GABRG3: variants seen among roughly 807,000 people sequenced by gnomAD.
The protein encoded by GABRG3 is gamma-aminobutyric acid type A receptor subunit gamma3, also known as gamma-aminobutyric acid receptor subunit gamma-3.
In GABRG3, 25 loss-of-function variants were observed where a neutral mutation model predicts 48.8. The observed-to-expected ratio is 0.51, with a 90% confidence interval of 0.37 to 0.72. GABRG3 has a LOEUF of 0.72. Ranked by LOEUF, GABRG3 falls within the 30% of genes least tolerant of loss-of-function variation. The pLI, the probability that GABRG3 is intolerant of heterozygous loss-of-function variation, is 0.00. For synonymous variants in GABRG3, 227 were observed against 217.6 expected, an observed-to-expected ratio of 1.04 and a Z score of -0.38; for missense variants, 394 against 577.9, an observed-to-expected ratio of 0.68 and a Z score of 3.26.
In GABRG3 at chr15:27,025,697, A is replaced by G. The variant is rs76546528; in HGVS notation, c.203-1057A>G. 2.9e-3 allele frequency among the ~76,000 whole-genome samples: 446 copies of G among 152,302 alleles called. 3 individuals carry two copies. Among genetic ancestry groups the G allele is most frequent in the African/African-American group, 0.01 (425 of 41,560 alleles). On this transcript the variant is annotated intron_variant, in intron 2 of 9. Coordinates refer to ENST00000615808, the MANE Select transcript of GABRG3 (RefSeq NM_033223.5). Reference sequence around the variant, plus strand: ...CTCAGAGCTGCCATTCATTGTTTCAAAAGTAGAGTGTGGAATTCCATTTGT... The same window carrying G: ...CTCAGAGCTGCCATTCATTGTTTCAGAAGTAGAGTGTGGAATTCCATTTGT...
chr15:27,479,717 T>C (rs1238958313), intron 5 of GABRG3, among the ~76,000 whole-genome samples: 3 of 152,194 alleles, frequency 2.0e-5, no homozygotes, highest in Admixed American at 2.0e-4. Flanking sequence ...CAATGAAGGC[T>C]GAGAATGCCA....
intron 2 of GABRG3, among the ~76,000 whole-genome samples, chr15:27,004,022 C>CG (rs1434377497): frequency 2.7e-5 from 4 of 146,372 alleles, no homozygotes; most frequent in East Asian, 4.2e-4. Context: ...GCTGTCCGGG[C>CG]GGGGGGCTGA....
At chr15:27,322,618 C>G (rs1001611622) in intron 3 of GABRG3, among the ~76,000 whole-genome samples, 10 of 152,176 alleles carry the variant, frequency 6.6e-5, no homozygotes, top group African/African-American at 2.4e-4. Flanking sequence ...AGGGTCGTTA[C>G]ATTTAATCCA....
intron 3 of GABRG3, among the ~76,000 whole-genome samples, chr15:27,084,453 T>C (rs1897042903): frequency 6.6e-6 from 1 of 152,220 alleles, no homozygotes; most frequent in South Asian, 2.1e-4. Flanking sequence ...ATGATGGAGA[T>C]TGCCTCAGTC....
chr15:27,409,453 G>A (rs937449414), intron 5 of GABRG3, among the ~76,000 whole-genome samples: 5 of 151,980 alleles, frequency 3.3e-5, no homozygotes, highest in African/African-American at 9.6e-5. Flanking sequence ...ATTGATCTGT[G>A]TATGTACCCT....
chr15:27,399,828 A>G (rs1887424542), intron 5 of GABRG3, among the ~76,000 whole-genome samples: 1 of 152,230 alleles, frequency 6.6e-6, no homozygotes, highest in Non-Finnish European at 1.5e-5. Flanking sequence ...ACACAAAGAC[A>G]GAAAAGATCG....
intron 5 of GABRG3, among the ~76,000 whole-genome samples, chr15:27,471,368 G>T (rs1213000658): frequency 6.6e-6 from 1 of 152,216 alleles, no homozygotes; most frequent in African/African-American, 2.4e-5. Flanking sequence ...GGGAGTAATT[G>T]AAGTTACAAA....
At chr15:27,508,178 A>G (rs1890805322) in intron 6 of GABRG3, among the ~76,000 whole-genome samples, 1 of 152,202 alleles carries the variant, frequency 6.6e-6, no homozygotes, top group Admixed American at 6.5e-5. Context: ...AGGTCAGATT[A>G]AAATATACGA....
At chr15:27,512,063 G>A (rs1890908753) in intron 6 of GABRG3, among the ~76,000 whole-genome samples, 1 of 152,138 alleles carries the variant, frequency 6.6e-6, no homozygotes, top group African/African-American at 2.4e-5. Flanking sequence ...TCCAAGCCAC[G>A]CTCTTAGTAT....
intron 2 of GABRG3, among the ~76,000 whole-genome samples, chr15:26,988,775 G>T (rs1037298159): frequency 6.6e-6 from 1 of 150,634 alleles, no homozygotes; most frequent in Admixed American, 6.6e-5. Flanking sequence ...ATTTTATATT[G>T]TTATTTTAGT....
chr15:27,308,676 CGCTTATGTATAAACATATAATGTAAACAT>C (rs1566774884), intron 3 of GABRG3, among the ~76,000 whole-genome samples: 12 of 148,906 alleles, frequency 8.1e-5, no homozygotes, highest in African/African-American at 2.9e-4. Flanking sequence ...TGTAAACATA[CGCTTATGTATAAACATATAATGTAAACAT>C]ACGTTTATAT....
intron 2 of GABRG3, among the ~76,000 whole-genome samples, chr15:27,020,208 G>A (rs1895862655): frequency 6.6e-6 from 1 of 152,124 alleles, no homozygotes; most frequent in Admixed American, 6.5e-5. Flanking sequence ...CCCTCCATGG[G>A]CATGTCCCCT....
intron 6 of GABRG3, among the ~76,000 whole-genome samples, chr15:27,484,155 C>T (rs1183499640): frequency 2.6e-5 from 4 of 152,114 alleles, no homozygotes; most frequent in East Asian, 3.9e-4. Flanking sequence ...AGGCTGGTCT[C>T]GAACTCCTGA....
intron 5 of GABRG3, among the ~76,000 whole-genome samples, chr15:27,454,277 A>G (rs1342573206): frequency 6.6e-6 from 1 of 152,172 alleles, no homozygotes; most frequent in African/African-American, 2.4e-5. Flanking sequence ...ACATGAATGG[A>G]TTCTGTAGTC....
At chr15:27,051,162 G>A (rs975494181) in intron 3 of GABRG3, among the ~76,000 whole-genome samples, 1 of 152,026 alleles carries the variant, frequency 6.6e-6, no homozygotes, top group South Asian at 2.1e-4. Flanking sequence ...CATTCCAAAG[G>A]GAAAAAATCT....
chr15:27,256,244 C>T lies in GABRG3; in HGVS notation c.271-70565C>T, dbSNP rs550706553. On this transcript the variant is annotated intron_variant, in intron 3 of 9. Coordinates refer to ENST00000615808, the MANE Select transcript of GABRG3 (RefSeq NM_033223.5). ...GATCAGGAGGTCAGGAGATCAAGACCATCCTGGCTAACATGGTGAAACCCG... is the reference window on the plus strand; with the variant it reads ...GATCAGGAGGTCAGGAGATCAAGACTATCCTGGCTAACATGGTGAAACCCG... Among the ~76,000 whole-genome samples the T allele has an allele frequency of 1.2e-4, 18 of 151,990 alleles. No individual in the cohort carries two copies. In the South Asian group the frequency reaches 3.7e-3, roughly 32 times the overall value.
intron 5 of GABRG3, among the ~76,000 whole-genome samples, chr15:27,386,738 G>A (rs923164240): frequency 6.6e-6 from 1 of 152,152 alleles, no homozygotes; most frequent in African/African-American, 2.4e-5. Flanking sequence ...TTTATAACCA[G>A]ACTCAATGGA....
At chr15:27,211,309 C>T (rs1291605571) in intron 3 of GABRG3, among the ~76,000 whole-genome samples, 4 of 152,166 alleles carry the variant, frequency 2.6e-5, no homozygotes, top group Non-Finnish European at 5.9e-5. Flanking sequence ...AAACATTCAA[C>T]AGGAACTGTG....
chr15:27,424,474 T>C (rs536677712), intron 5 of GABRG3, among the ~76,000 whole-genome samples: 23 of 151,886 alleles, frequency 1.5e-4, no homozygotes, highest in African/African-American at 5.3e-4. Flanking sequence ...ACAGCTCCCT[T>C]GTACCTCTTT....
Sources: gnomAD v4.1 joint callset for allele counts (sites outside exome capture counted in the v4.1 genomes callset) on GRCh38, gnomAD v4.1.1 for gene constraint, MANE v1.5 for transcripts, NCBI Gene and HGNC (gene_info 2026-07-23, HGNC 2026-07-21) for gene names.